KDM4F: variants seen among roughly 807,000 people sequenced by gnomAD.
KDM4F encodes the protein probable lysine-specific demethylase 4F.
For missense variants in KDM4F, 586 were observed against 496.4 expected, an observed-to-expected ratio of 1.18 and a Z score of -1.71; for synonymous variants, 223 against 184.4, an observed-to-expected ratio of 1.21 and a Z score of -1.70.
At chr11:95,050,676 C>A in exon 1 of KDM4F, 1 of 619,194 alleles carries the variant, frequency 1.6e-6, no homozygotes, top group Admixed American at 2.7e-5. Flanking sequence ...GGTTCTTCCC[C>A]CTTCCACTGG....
chr11:95,050,269 G>C, exon 1 of KDM4F: 1 of 1,510,120 alleles, frequency 6.6e-7, no homozygotes, highest in Non-Finnish European at 9.2e-7. Context: ...TTCAATCACG[G>C]CTTCAACTGC....
rs140299473 is a variant in KDM4F at position 95,051,018 on chromosome 11, G to A, written c.1597G>A (p.Asp533Asn). 5.3e-3 allele frequency: 2,332 copies of A among 438,416 alleles called. 11 individuals are homozygous for A. Among genetic ancestry groups the A allele is most frequent in the Admixed American group, 6.9e-3 (177 of 25,750 alleles). 27.2% of individuals were successfully genotyped at this position (438,416 alleles called of 1,614,324 possible). Residue 533 changes from aspartate to asparagine, a missense_variant, in exon 1 of 1, where the codon GAC (aspartate) becomes AAC (asparagine). Asp to Asn is a conservative substitution (Grantham distance 23, BLOSUM62 1). Coordinates refer to ENST00000545950, the Ensembl canonical transcript of KDM4F. ...CCCTGGCCCCTGCCTGCTATCCCTCGACAGCACTGCTAGTAGTCTTCCTCT... is the reference window on the plus strand; with the variant it reads ...CCCTGGCCCCTGCCTGCTATCCCTCAACAGCACTGCTAGTAGTCTTCCTCT...
chr11:95,050,918 A>G, exon 1 of KDM4F: 1 of 493,336 alleles, frequency 2.0e-6, no homozygotes, highest in Non-Finnish European at 3.5e-6. Flanking sequence ...CGCATTTTGC[A>G]AAGGCTTCTG....
At chr11:95,050,610 G>A (rs547060303) in exon 1 of KDM4F, 19 of 639,856 alleles carry the variant, frequency 3.0e-5, no homozygotes, top group Middle Eastern at 2.6e-4. Context: ...CCCAAAGGGC[G>A]GTGGTACCGA....
chr11:95,049,705 T>TG, the KDM4F span: 1 of 1,604,130 alleles, frequency 6.2e-7, no homozygotes, highest in Admixed American at 1.7e-5. Flanking sequence ...GCCATGAGGG[T>TG]GGGGCAGTAT....
rs1858506469 is a variant in KDM4F at position 95,051,009 on chromosome 11, C to G, written c.1588C>G (p.Leu530Val). ...ACCCATGCACCCTGGCCCCTGCCTG[C>G]TATCCCTCGACAGCACTGCTAGTAG... The change falls in exon 1 of 1, where the codon CTA becomes GTA. Residue 530 changes from leucine (L) to valine (V), a missense_variant. Transcript: ENST00000545950. 1.6e-5 allele frequency: 7 copies of G among 440,508 alleles called. No homozygotes were observed. The East Asian group carries it at 2.4e-4, about 15-fold the overall frequency. The allele number at this position is 440,508 out of a possible 1,614,324, so 27.3% of individuals were successfully genotyped here.
rs1432775331 is a variant in KDM4F, at chr11:95,050,666, G to T, written c.1245G>T (p.Trp415Cys). Residue 415 changes from tryptophan to cysteine, a missense_variant, in exon 1 of 1, where the codon TGG becomes TGT. By Grantham distance (215) the Trp-to-Cys change is radical. Transcript: ENST00000545950. ...TCCAAGCCCTGGAGACGTCAGCCTG[G>T]GTTCTTCCCCCTTCCACTGGAAGGT... 9 of 617,424 alleles carry T rather than the reference G, an allele frequency of 1.5e-5. No individual in the cohort carries two copies. The African/African-American group carries it at 1.5e-4, about 10-fold the overall frequency. The allele number at this position is 617,424 out of a possible 1,614,324, so 38.2% of individuals were successfully genotyped here.
chr11:95,050,549 C>A, exon 1 of KDM4F: 1 of 693,510 alleles, frequency 1.4e-6, no homozygotes, highest in Non-Finnish European at 2.6e-6. Flanking sequence ...ATCTCCGGAA[C>A]CACATAACCA....
exon 1 of KDM4F, chr11:95,049,453 C>A: frequency 1.3e-6 from 2 of 1,494,036 alleles, no homozygotes; most frequent in East Asian, 5.0e-5. Context: ...CCCCAGAACA[C>A]GAGTCATACC....
chr11:95,050,816 G>C lies in KDM4F; in HGVS notation c.1395G>C (p.Gly465=). ...CAGCTAAGAGGCGCCTCTCAGTGGGGACAGGGAGCAGAGCTCCAGGCCGCA... is the reference window on the plus strand; with the variant it reads ...CAGCTAAGAGGCGCCTCTCAGTGGGCACAGGGAGCAGAGCTCCAGGCCGCA... Residue 465 remains glycine, a synonymous_variant, in exon 1 of 1, where the codon GGG becomes GGC. Coordinates refer to ENST00000545950, the Ensembl canonical transcript of KDM4F. The C allele has an allele frequency of 5.1e-6, 3 of 593,716 alleles. No homozygotes were observed. In the South Asian group the frequency reaches 6.5e-5, roughly 13 times the overall value. The allele number at this position is 593,716 out of a possible 1,614,324, so 36.8% of individuals were successfully genotyped here.
At chr11:95,050,219 G>A (rs376192783) in exon 1 of KDM4F, 2 of 1,558,452 alleles carry the variant, frequency 1.3e-6, no homozygotes, top group African/African-American at 1.4e-5. Context: ...AGGAGGCTGG[G>A]GAGTTCATGG....
At chr11:95,050,400 C>A in exon 1 of KDM4F, 2 of 892,726 alleles carry the variant, frequency 2.2e-6, no homozygotes, top group Non-Finnish European at 3.8e-6. Flanking sequence ...CATCCTGCAA[C>A]CCGAGAGCTA....
chr11:95,050,872 T>G (rs1858504913), exon 1 of KDM4F: 2 of 533,950 alleles, frequency 3.7e-6, no homozygotes, highest in South Asian at 5.9e-5. Context: ...GATGAAGCTT[T>G]GACAGACAAA....
exon 1 of KDM4F, chr11:95,051,213 C>T (rs1273361658): frequency 3.5e-5 from 14 of 398,766 alleles, no homozygotes; most frequent in Admixed American, 8.8e-5. Flanking sequence ...CTCCTGGGCC[C>T]CTGACTCATC....
At chr11:95,050,401 C>A in exon 1 of KDM4F, 1 of 891,658 alleles carries the variant, frequency 1.1e-6, no homozygotes. Context: ...ATCCTGCAAC[C>A]CGAGAGCTAT....
At chr11:95,051,050 C>A in exon 1 of KDM4F, 1 of 419,964 alleles carries the variant, frequency 2.4e-6, no homozygotes, top group Non-Finnish European at 4.2e-6. Context: ...CTCTTGTTGT[C>A]CCTATGACTC....
At chr11:95,051,208 G>A in the KDM4F span, 1 of 398,906 alleles carries the variant, frequency 2.5e-6, no homozygotes, top group Admixed American at 4.4e-5. Context: ...AGGATCTCCT[G>A]GGCCCCTGAC....
At chr11:95,050,415 C>A in exon 1 of KDM4F, 1 of 857,784 alleles carries the variant, frequency 1.2e-6, no homozygotes, top group Non-Finnish European at 2.0e-6. Flanking sequence ...GAGCTATGAG[C>A]TCTGGAAACA....
exon 1 of KDM4F, chr11:95,050,154 C>T (rs571676188): frequency 1.3e-6 from 2 of 1,545,680 alleles, no homozygotes; most frequent in East Asian, 2.2e-5. Flanking sequence ...CAAGGTGGCC[C>T]TCATCTCGCC....
Sources: gnomAD v4.1 joint callset for allele counts on GRCh38, gnomAD v4.1.1 for gene constraint, MANE v1.5 for transcripts, NCBI Gene and HGNC (gene_info 2026-07-23, HGNC 2026-07-21) for gene names.